Variants in CD300E observed in about 807,000 individuals in gnomAD.
CD300E encodes CMRF35-like molecule 2.
CD300E carries 14 observed loss-of-function variants against 20.9 expected under a neutral mutation model. The observed-to-expected ratio is 0.67, with a 90% CI of 0.44 to 1.05. CD300E has a LOEUF of 1.05. CD300E is among the 50% of genes least tolerant of loss of function. The pLI, the probability that CD300E is intolerant of heterozygous loss-of-function variation, is 0.00. For synonymous variants in CD300E, 102 were observed against 103.7 expected, an observed-to-expected ratio of 0.98 and a Z score of 0.10; for missense variants, 237 against 253.9, an observed-to-expected ratio of 0.93 and a Z score of 0.45.
At chr17:74,615,901 C>T (rs746658217) in intron 2 of CD300E, among the ~76,000 whole-genome samples, 13 of 152,042 alleles carry the variant, frequency 8.6e-5, no homozygotes, top group East Asian at 5.8e-4. Context: ...GTCTGGGCAA[C>T]GCGGGAAGAT....
At chr17:74,612,844 C>G in intron 3 of CD300E, 71 bp from the exon 4 acceptor site, 1 of 1,577,026 alleles carries the variant, frequency 6.3e-7, no homozygotes, top group East Asian at 2.2e-5. Context: ...CCCCACCTCT[C>G]CCCATGCTCT....
At position 74,612,498 on chromosome 17, in the gene CD300E, G is replaced by A. The variant is rs940061066; in HGVS notation, c.*155C>T. On this transcript the variant is annotated 3_prime_UTR_variant, in exon 4 of 4. Coordinates refer to ENST00000392619, the MANE Select transcript of CD300E (RefSeq NM_181449.3). ...AAGCTGCACATTGAGGACTCCAGAG[G>A]AGTGTCCTCTAAGAGCCAGGACCCT... 7.6e-5 allele frequency: 77 copies of A among 1,008,964 alleles called. No individual in the cohort carries two copies. The highest frequency in any genetic ancestry group is 1.1e-4 in the Non-Finnish European group (73 of 693,584). The allele number at this position is 1,008,964 out of a possible 1,614,324, so 62.5% of individuals were successfully genotyped here. A position where few individuals can be genotyped will look rare whatever the true frequency, so the allele number is the denominator to read the frequency against.
intron 1 of CD300E, among the ~76,000 whole-genome samples, chr17:74,621,813 T>C (rs531306110): frequency 6.6e-6 from 1 of 152,310 alleles, no homozygotes; most frequent in East Asian, 1.9e-4. Flanking sequence ...CAGATCTCCC[T>C]TCATCATCTT....
In CD300E at chr17:74,623,623, T is replaced by C. The variant is rs142035923; in HGVS notation, c.-2A>G. 5 of 1,614,200 alleles carry C rather than the reference T, an allele frequency of 3.1e-6. No homozygotes were observed. The African/African-American group carries it at 5.3e-5, about 17-fold the overall frequency. On this transcript the variant is annotated 5_prime_UTR_variant, in exon 1 of 4. Coordinates refer to ENST00000392619, the MANE Select transcript of CD300E (RefSeq NM_181449.3). Reference sequence around the variant, plus strand: ...GAGTAGAGCTGGGAGCAGCCACATGTTCCTGTCTCCTTGGCTTCCGTCCTC... The same window carrying C: ...GAGTAGAGCTGGGAGCAGCCACATGCTCCTGTCTCCTTGGCTTCCGTCCTC...
Position 74,612,583 on chromosome 17 carries a change from T to G in CD300E, c.*70A>C. On this transcript the variant is annotated 3_prime_UTR_variant, in exon 4 of 4. Transcript: ENST00000392619. ...GTCCACAGGTCTCTCGCATCCAGTC[T>G]GAAAGGTTGACTCCCTGCACGGGGC... is the stretch of plus-strand genomic sequence containing the variant. 1.3e-6 allele frequency: 2 copies of G among 1,584,050 alleles called. No homozygotes were observed. The highest frequency in any genetic ancestry group is 1.1e-5 in the South Asian group (1 of 89,034).
chr17:74,623,657 T>C lies in CD300E; in HGVS notation c.-36A>G. On this transcript the variant is annotated 5_prime_UTR_variant, in exon 1 of 4. Transcript: ENST00000392619. Reference sequence around the variant, plus strand: ...CCTTGGCTTCCGTCCTCAGCAAATCTAGGTCCCAGCTGGAATCCAAGTATA... The same window carrying C: ...CCTTGGCTTCCGTCCTCAGCAAATCCAGGTCCCAGCTGGAATCCAAGTATA... The C allele has an allele frequency of 6.2e-7, 1 of 1,613,050 alleles. No individual in the cohort carries two copies. Among genetic ancestry groups the C allele is most frequent in the Non-Finnish European group, 8.5e-7 (1 of 1,178,966 alleles).
In CD300E at chr17:74,612,713, C is replaced by T. The variant is rs1598147344; in HGVS notation, c.558G>A (p.Leu186=). The T allele has an allele frequency of 1.9e-6, 3 of 1,614,018 alleles. No individual in the cohort carries two copies. Among genetic ancestry groups the T allele is most frequent in the Non-Finnish European group, 2.5e-6 (3 of 1,179,992 alleles). The change falls in exon 4 of 4, where the codon CTG becomes CTA. Residue 186 remains leucine, a synonymous_variant. Coordinates refer to ENST00000392619, the MANE Select transcript of CD300E (RefSeq NM_181449.3). The part of the protein sequence containing the change: ...LVVLLKLPLL[L]SMLGAVFWVN... ...CCCAGAAGACAGCACCCAGCATGCT[C>T]AGGAGCAGGGGCAGCTTCAGAAGGA...
intron 1 of CD300E, among the ~76,000 whole-genome samples, chr17:74,621,564 C>T (rs957728299): frequency 1.3e-5 from 2 of 152,186 alleles, no homozygotes; most frequent in Non-Finnish European, 2.9e-5. Context: ...ATAAATGCGT[C>T]GGTGCATTTG....
At chr17:74,613,633 G>A (rs1307522884) in intron 3 of CD300E, among the ~76,000 whole-genome samples, 4 of 152,238 alleles carry the variant, frequency 2.6e-5, no homozygotes, top group African/African-American at 9.6e-5. Context: ...GTCCGGAGCT[G>A]GATGGGGAAG....
Position 74,610,560 on chromosome 17 carries a change from C to T in CD300E, c.*2093G>A, listed in dbSNP as rs1054567231. The T allele has an allele frequency of 6.6e-6, 1 of 152,238 alleles. No individual in the cohort carries two copies. The highest frequency in any genetic ancestry group is 1.5e-5 in the Non-Finnish European group (1 of 68,064). The allele number at this position is 152,238 out of a possible 1,614,324, so 9.4% of individuals were successfully genotyped here. A position where few individuals can be genotyped will look rare whatever the true frequency, so the allele number is the denominator to read the frequency against. On this transcript the variant is annotated 3_prime_UTR_variant, in exon 4 of 4. Transcript: ENST00000392619. Reference sequence around the variant, plus strand: ...TTTCCAGGCTTAAGACTCCGGACTCCCAGATTCTTCCTTTCAGACTTTGCT... The same window carrying T: ...TTTCCAGGCTTAAGACTCCGGACTCTCAGATTCTTCCTTTCAGACTTTGCT...
At chr17:74,615,573 T>C (rs521750) in intron 2 of CD300E, among the ~76,000 whole-genome samples, 86,599 of 152,016 alleles carry the variant, frequency 0.57, 25,238 homozygotes, top group African/African-American at 0.62. Flanking sequence ...TCTCACTTTT[T>C]TTCCCCAGCA....
intron 1 of CD300E, among the ~76,000 whole-genome samples, chr17:74,621,805 G>A (rs2031028585): frequency 1.3e-5 from 2 of 152,168 alleles, no homozygotes; most frequent in Admixed American, 1.3e-4. Context: ...TATGTCATCA[G>A]ATCTCCCTTC....
intron 2 of CD300E, among the ~76,000 whole-genome samples, chr17:74,615,336 G>A (rs991018509): frequency 1.2e-4 from 18 of 152,200 alleles, no homozygotes; most frequent in Non-Finnish European, 7.3e-5. Context: ...TGGGGAGGCA[G>A]AAAACCACAG....
intron 3 of CD300E, 119 bp downstream of exon 3, chr17:74,613,806 A>T: frequency 1.5e-6 from 1 of 647,826 alleles, no homozygotes; most frequent in Non-Finnish European, 2.8e-6. Flanking sequence ...GAGAATCAGG[A>T]CCAGAGATGG....
chr17:74,617,078 G>T, intron 2 of CD300E, 40 bp downstream of exon 2: 1 of 1,567,642 alleles, frequency 6.4e-7, no homozygotes, highest in Non-Finnish European at 8.8e-7. Context: ...TTGTCCAGTC[G>T]CACCCCAAAC....
chr17:74,614,682 A>G (rs57578086), intron 2 of CD300E, among the ~76,000 whole-genome samples: 84 of 152,230 alleles, frequency 5.5e-4, no homozygotes, highest in African/African-American at 1.9e-3. Context: ...GGGTTTCTCC[A>G]TGTTGATCAG....
At chr17:74,618,112 TA>T (rs1352980514) in intron 1 of CD300E, among the ~76,000 whole-genome samples, 1 of 152,198 alleles carries the variant, frequency 6.6e-6, no homozygotes, top group East Asian at 1.9e-4. Flanking sequence ...CTGCTCTCTG[TA>T]ACCAAGTGAG....
chr17:74,617,652 G>A (rs2030933819), intron 1 of CD300E, among the ~76,000 whole-genome samples, 187 bp from the exon 2 acceptor site: 1 of 152,178 alleles, frequency 6.6e-6, no homozygotes, highest in Non-Finnish European at 1.5e-5. Context: ...TGTCCCCTGT[G>A]AGAGCAGGGA....
chr17:74,611,279 T>C lies in CD300E; in HGVS notation c.*1374A>G, dbSNP rs1055386076. ...CTGGGAGCCCCACCAGAGCTCAAGTTCAGAGCACGGCAGCTCTGCCTAAGC... is the reference window on the plus strand; with the variant it reads ...CTGGGAGCCCCACCAGAGCTCAAGTCCAGAGCACGGCAGCTCTGCCTAAGC... On this transcript the variant is annotated 3_prime_UTR_variant, in exon 4 of 4. Coordinates refer to ENST00000392619, the MANE Select transcript of CD300E (RefSeq NM_181449.3). The C allele has an allele frequency of 6.6e-6, 1 of 152,274 alleles. No individual in the cohort carries two copies. The highest frequency in any genetic ancestry group is 1.5e-5 in the Non-Finnish European group (1 of 68,096). 9.4% of individuals were successfully genotyped at this position (152,274 alleles called of 1,614,324 possible).
Sources: allele counts gnomAD v4.1 joint callset (sites outside exome capture counted in the v4.1 genomes callset), GRCh38; gene constraint gnomAD v4.1.1; transcripts MANE v1.5; gene names NCBI Gene and HGNC (gene_info 2026-07-23, HGNC 2026-07-21).